The following NBAS variants were observed in gnomAD, a reference collection of about 807,000 sequenced individuals.
The protein encoded by NBAS is NAG/BC035112 fusion.
NBAS carries 219 observed loss-of-function variants against 302.5 expected under a neutral mutation model. The ratio of observed to expected loss-of-function variants is 0.72; its 90% CI spans 0.65 to 0.81. NBAS has a LOEUF of 0.81. NBAS is among the 30% of genes least tolerant of loss of function. NBAS has a pLI of 0.00. For synonymous variants in NBAS, 1,118 were observed against 1,021.6 expected, an observed-to-expected ratio of 1.09 and a Z score of -1.80; for missense variants, 2,932 against 2,841.6, an observed-to-expected ratio of 1.03 and a Z score of -0.72.
In NBAS at chr2:15,529,311, G is replaced by A. The variant is rs549466367; in HGVS notation, c.746+5232C>T. On this transcript the variant is annotated intron_variant, in intron 9 of 51. Transcript: ENST00000281513. ...GCTCAGGAATGCAAGATCAGCCTGA[G>A]CAACATGGTGAAACCCTATCTCTCC... 4.9e-4 allele frequency among the ~76,000 whole-genome samples: 75 copies of A among 152,114 alleles called. 2 individuals carry two copies. The South Asian group carries it at 0.015, about 30-fold the overall frequency.
At chr2:14,787,289 T>C in the NBAS span, among the ~76,000 whole-genome samples, 2 of 152,218 alleles carry the variant, frequency 1.3e-5, no homozygotes, top group Non-Finnish European at 2.9e-5. Flanking sequence ...TGCCAGTCTG[T>C]GTCTTTTAAT....
intron 5 of NBAS, among the ~76,000 whole-genome samples, chr2:15,552,775 C>CAGAGA (rs1305965773): frequency 6.7e-6 from 1 of 149,798 alleles, no homozygotes; most frequent in Non-Finnish European, 1.5e-5. Flanking sequence ...TTTGTACCAA[C>CAGAGA]AGAGAAAAAG....
the NBAS span, among the ~76,000 whole-genome samples, chr2:14,780,151 A>G: frequency 6.6e-6 from 1 of 152,192 alleles, no homozygotes; most frequent in Non-Finnish European, 1.5e-5. Context: ...CAAACATCAG[A>G]CACTTTGCAG....
chr2:15,254,573 T>C (rs1247075504), intron 44 of NBAS, among the ~76,000 whole-genome samples: 2 of 152,186 alleles, frequency 1.3e-5, no homozygotes, highest in African/African-American at 4.8e-5. Flanking sequence ...TCAACAGTTT[T>C]AGGGGAACAG....
At chr2:15,076,660 C>T in the NBAS span, among the ~76,000 whole-genome samples, 3 of 152,172 alleles carry the variant, frequency 2.0e-5, no homozygotes, top group Non-Finnish European at 4.4e-5. Flanking sequence ...AGCCCATAGT[C>T]GAGTGCCTGG....
At chr2:14,783,802 G>C in the NBAS span, among the ~76,000 whole-genome samples, 1 of 151,994 alleles carries the variant, frequency 6.6e-6, no homozygotes, top group East Asian at 1.9e-4. Context: ...TGTCTTTATA[G>C]CAGCATGATT....
intron 46 of NBAS, 85 bp downstream of exon 46, chr2:15,234,460 G>A: frequency 7.3e-7 from 1 of 1,370,970 alleles, no homozygotes; most frequent in Non-Finnish European, 1.0e-6. Context: ...CTTATAAAAT[G>A]CTTTTACATA....
At chr2:15,448,869 G>A (rs1260703438) in intron 21 of NBAS, among the ~76,000 whole-genome samples, 4 of 152,134 alleles carry the variant, frequency 2.6e-5, no homozygotes, top group Non-Finnish European at 5.9e-5. Flanking sequence ...GGCTGTTACA[G>A]ACAAGTTTTA....
the NBAS span, among the ~76,000 whole-genome samples, chr2:15,107,509 T>C: frequency 3.3e-3 from 503 of 152,164 alleles, 1 homozygote; most frequent in African/African-American, 0.011. Context: ...AACAGGAATA[T>C]GAGAGAGTCA....
At chr2:15,560,608 C>T (rs142319432) in intron 1 of NBAS, among the ~76,000 whole-genome samples, 35 of 152,188 alleles carry the variant, frequency 2.3e-4, no homozygotes, top group African/African-American at 7.7e-4. Context: ...CGGACACGCA[C>T]ACCCTTATTA....
chr2:15,239,399 G>GTATATATATATA (rs374042921), intron 44 of NBAS, among the ~76,000 whole-genome samples: 11 of 133,932 alleles, frequency 8.2e-5, no homozygotes, highest in East Asian at 6.1e-4. Flanking sequence ...GTGTGTGTGT[G>GTATATATATATA]TGTATATATA....
the NBAS span, among the ~76,000 whole-genome samples, chr2:15,037,154 A>C: frequency 6.6e-6 from 1 of 152,202 alleles, no homozygotes; most frequent in South Asian, 2.1e-4. Flanking sequence ...CTCTGTGGCA[A>C]GCATGGTGAT....
At chr2:15,470,783 AC>A (rs1418695522) in intron 16 of NBAS, among the ~76,000 whole-genome samples, 1 of 151,616 alleles carries the variant, frequency 6.6e-6, no homozygotes, top group South Asian at 2.1e-4. Context: ...AATATGGTGA[AC>A]CCCCGTCTCT....
chr2:15,434,867 C>T (rs1677934903), intron 21 of NBAS, among the ~76,000 whole-genome samples: 1 of 152,160 alleles, frequency 6.6e-6, no homozygotes, highest in Non-Finnish European at 1.5e-5. Flanking sequence ...TACATATCTA[C>T]AACTGCCAAA....
chr2:15,558,076 G>A lies in NBAS; in HGVS notation c.172+504C>T, dbSNP rs115540341. Among the ~76,000 whole-genome samples the A allele has an allele frequency of 2.8e-3, 433 of 152,208 alleles. 4 individuals carry two copies. The highest frequency in any genetic ancestry group is 9.9e-3 in the African/African-American group (409 of 41,518). On this transcript the variant is annotated intron_variant, in intron 2 of 51. Coordinates refer to ENST00000281513, the MANE Select transcript of NBAS (RefSeq NM_015909.4). Reference sequence around the variant, plus strand: ...TGACCTTCATTCCTTCTAGAACAGCGTCCCCCAACCTTTTTGGCACCAGGG... The same window carrying A: ...TGACCTTCATTCCTTCTAGAACAGCATCCCCCAACCTTTTTGGCACCAGGG...
chr2:15,556,918 G>A, intron 2 of NBAS, 99 bp from the exon 3 acceptor site: 1 of 921,034 alleles, frequency 1.1e-6, no homozygotes, highest in Non-Finnish European at 1.7e-6. Context: ...ATACTACAGA[G>A]CGAGTCATTA....
the NBAS span, among the ~76,000 whole-genome samples, chr2:14,783,519 A>G: frequency 3.2e-5 from 4 of 125,840 alleles, no homozygotes; most frequent in Admixed American, 4.3e-4. Flanking sequence ...CCCTTCCTGT[A>G]TCCATGTGTT....
rs1677961973 is a variant in NBAS, at chr2:15,435,397, C to G, written c.2340-7603G>C. ...TATTTATATAACCATTCAACTCTGC[C>G]CAGCCTATGTATAATACTTATATAG... On this transcript the variant is annotated intron_variant, in intron 21 of 51. Transcript: ENST00000281513. Among the ~76,000 whole-genome samples, 15 of 152,254 alleles carry G rather than the reference C, an allele frequency of 9.9e-5. No homozygotes were observed. The South Asian group carries it at 3.1e-3, about 32-fold the overall frequency.
intron 15 of NBAS, among the ~76,000 whole-genome samples, chr2:15,473,568 C>G (rs1011652023): frequency 6.6e-6 from 1 of 152,182 alleles, no homozygotes; most frequent in Admixed American, 6.5e-5. Flanking sequence ...AGGTGCAAAG[C>G]TCTCGTTTTA....
Sources: gnomAD v4.1 joint callset for allele counts (sites outside exome capture counted in the v4.1 genomes callset) on GRCh38, gnomAD v4.1.1 for gene constraint, MANE v1.5 for transcripts, NCBI Gene and HGNC (gene_info 2026-07-23, HGNC 2026-07-21) for gene names.